PKD1L1: variants seen among roughly 807,000 people sequenced by gnomAD.
The protein encoded by PKD1L1 is polycystin 1 like 1, transient receptor potential channel interacting.
PKD1L1 carries 236 observed loss-of-function variants against 323.4 expected under a neutral mutation model. The ratio of observed to expected loss-of-function variants is 0.73; its 90% CI spans 0.66 to 0.81. PKD1L1 has a LOEUF of 0.81. PKD1L1 is among the 40% of genes least tolerant of loss of function. The probability of loss-of-function intolerance (pLI) is 0.00; values close to 1 mark genes in which losing one functional copy is unlikely to be tolerated. For missense variants in PKD1L1, 3,320 were observed against 3,508.0 expected, an observed-to-expected ratio of 0.95 and a Z score of 1.35; for synonymous variants, 1,344 against 1,335.0, an observed-to-expected ratio of 1.01 and a Z score of -0.15.
At chr7:47,884,570 G>C (rs1285288760) in intron 19 of PKD1L1, 28 bp downstream of exon 19, 4 of 1,605,044 alleles carry the variant, frequency 2.5e-6, no homozygotes, top group African/African-American at 2.7e-5. Context: ...TGAGTGGAGA[G>C]AGGCAGCAGG....
At chr7:47,852,043 T>C (rs1360483472) in intron 31 of PKD1L1, among the ~76,000 whole-genome samples, 1 of 152,216 alleles carries the variant, frequency 6.6e-6, no homozygotes. Flanking sequence ...CTTATGATAA[T>C]GTACTGAGTT....
intron 26 of PKD1L1, among the ~76,000 whole-genome samples, chr7:47,861,166 G>T (rs1398524451): frequency 6.6e-6 from 1 of 152,206 alleles, no homozygotes; most frequent in Admixed American, 6.5e-5. Context: ...GTTGTATTCA[G>T]CTTCTGGGAT....
intron 56 of PKD1L1, among the ~76,000 whole-genome samples, chr7:47,784,189 G>A (rs1786757240): frequency 6.6e-6 from 1 of 152,212 alleles, no homozygotes; most frequent in Non-Finnish European, 1.5e-5. Flanking sequence ...GGAAGACTTA[G>A]TATAATCCAT....
chr7:47,958,811 G>A, the PKD1L1 span, among the ~76,000 whole-genome samples: 3 of 147,110 alleles, frequency 2.0e-5, no homozygotes, highest in Admixed American at 6.7e-5. Flanking sequence ...CTCTCCCCAC[G>A]GTCTCCCTCT....
chr7:47,960,388 A>AAAAAAC, the PKD1L1 span, among the ~76,000 whole-genome samples: 197 of 132,358 alleles, frequency 1.5e-3, 2 homozygotes, highest in African/African-American at 4.9e-3. Context: ...AAAAAAAAAA[A>AAAAAAC]AAAAAACTGT....
chr7:47,782,006 C>T (rs532881236), intron 56 of PKD1L1, among the ~76,000 whole-genome samples: 78 of 152,226 alleles, frequency 5.1e-4, no homozygotes, highest in African/African-American at 1.7e-3. Flanking sequence ...ATCTCTATTC[C>T]TGGGATCTAT....
intron 56 of PKD1L1, among the ~76,000 whole-genome samples, chr7:47,778,144 G>A (rs1786611378): frequency 6.6e-6 from 1 of 152,194 alleles, no homozygotes; most frequent in South Asian, 2.1e-4. Flanking sequence ...ATCACAAGGA[G>A]CCAACCAGCA....
Position 47,943,479 on chromosome 7 carries a change from C to A in PKD1L1, c.77G>T (p.Gly26Val). ...CLQAACCLSF[G>V]GELSVSTDKS... ...GTCAGTGCTCACAGACAGCTCACCACCAAAGGAAAGGCAGCAGGCAGCCTG... is the reference window on the plus strand; with the variant it reads ...GTCAGTGCTCACAGACAGCTCACCAACAAAGGAAAGGCAGCAGGCAGCCTG... The change falls in exon 2 of 57, where the codon GGT becomes GTT. Residue 26 changes from glycine (G) to valine (V), a missense_variant. Coordinates refer to ENST00000289672, the MANE Select transcript of PKD1L1 (RefSeq NM_138295.5). 2 of 1,613,136 alleles carry A rather than the reference C, an allele frequency of 1.2e-6. No individual in the cohort carries two copies. The highest frequency in any genetic ancestry group is 1.1e-5 in the South Asian group (1 of 91,072).
At chr7:47,876,697 G>C (rs76488518) in intron 22 of PKD1L1, among the ~76,000 whole-genome samples, 1,938 of 152,270 alleles carry the variant, frequency 0.013, 37 homozygotes, top group African/African-American at 0.043. Context: ...TCAGTGTCCT[G>C]GCTGAGAGGA....
At position 47,834,356 on chromosome 7, in the gene PKD1L1, C is replaced by T. The variant is rs73331750; in HGVS notation, c.6157G>A (p.Ala2053Thr). 4,561 of 1,613,740 alleles carry T rather than the reference C, an allele frequency of 2.8e-3. 124 individuals are homozygous for T. In the African/African-American group the frequency reaches 0.053, roughly 19 times the overall value. ...GPNSWGRIPD[A>T]QEPRKQPASA... Reference sequence around the variant, plus strand: ...TGATTTACCTTGCGTGGCTCCTGTGCGTCTGGTATCCTTCCCCAGGAATTA... The same window carrying T: ...TGATTTACCTTGCGTGGCTCCTGTGTGTCTGGTATCCTTCCCCAGGAATTA... Residue 2053 changes from alanine (A) to threonine (T), a missense_variant, in exon 40 of 57, where the codon GCA becomes ACA. Transcript: ENST00000289672.
At chr7:47,881,236 G>A (rs990155509) in intron 20 of PKD1L1, among the ~76,000 whole-genome samples, 1 of 152,122 alleles carries the variant, frequency 6.6e-6, no homozygotes, top group Non-Finnish European at 1.5e-5. Flanking sequence ...TGACCGTGGT[G>A]ACTGGATTAC....
intron 6 of PKD1L1, among the ~76,000 whole-genome samples, chr7:47,930,559 TG>T (rs1787748316): frequency 6.6e-6 from 1 of 150,410 alleles, no homozygotes; most frequent in East Asian, 2.0e-4. Flanking sequence ...GGCTCATGCC[TG>T]AATCCCAGCA....
chr7:47,827,335 G>A lies in PKD1L1; in HGVS notation c.6854+15C>T, dbSNP rs773511752. 114 of 1,593,690 alleles carry A rather than the reference G, an allele frequency of 7.2e-5. 2 individuals carry two copies. The South Asian group carries it at 1.2e-3, about 17-fold the overall frequency. ...TGGAGTGGAGCAAGCCCTCCCGACA[G>A]AAGCCGCCACCCACCTCAGGGCAGC... On this transcript the variant is annotated intron_variant, in intron 45 of 56. Coordinates refer to ENST00000289672, the MANE Select transcript of PKD1L1 (RefSeq NM_138295.5).
At chr7:47,920,528 T>C (rs530268644) in intron 7 of PKD1L1, among the ~76,000 whole-genome samples, 5 of 152,190 alleles carry the variant, frequency 3.3e-5, no homozygotes, top group Admixed American at 3.3e-4. Flanking sequence ...CTTCACAGAA[T>C]TAGAAAAAAC....
intron 54 of PKD1L1, among the ~76,000 whole-genome samples, chr7:47,796,860 T>C (rs1473088933): frequency 1.5e-5 from 2 of 133,008 alleles, no homozygotes; most frequent in South Asian, 4.6e-4. Context: ...ATTAGCTGGG[T>C]GTGGTGGTGG....
intron 56 of PKD1L1, among the ~76,000 whole-genome samples, chr7:47,792,188 T>C (rs1446263437): frequency 1.3e-5 from 2 of 152,212 alleles, no homozygotes; most frequent in Non-Finnish European, 2.9e-5. Flanking sequence ...AGATACACTG[T>C]CTAACTTGGA....
At chr7:47,842,397 C>T (rs1403522750) in intron 34 of PKD1L1, among the ~76,000 whole-genome samples, 3 of 152,124 alleles carry the variant, frequency 2.0e-5, no homozygotes, top group South Asian at 2.1e-4. Flanking sequence ...GAAATGGAAG[C>T]GTGAGTTCCA....
At chr7:47,822,471 T>C (rs1009478995) in intron 45 of PKD1L1, among the ~76,000 whole-genome samples, 3 of 151,712 alleles carry the variant, frequency 2.0e-5, no homozygotes, top group Non-Finnish European at 4.4e-5. Flanking sequence ...GGCAGACACC[T>C]GTAATCCCAG....
At chr7:47,848,114 T>C (rs546146618) in intron 31 of PKD1L1, among the ~76,000 whole-genome samples, 1 of 152,234 alleles carries the variant, frequency 6.6e-6, no homozygotes, top group East Asian at 1.9e-4. Flanking sequence ...GGCAAAGACG[T>C]GGGAAAACAG....
Sources: allele counts gnomAD v4.1 joint callset (sites outside exome capture counted in the v4.1 genomes callset), GRCh38; gene constraint gnomAD v4.1.1; transcripts MANE v1.5; gene names NCBI Gene and HGNC (gene_info 2026-07-23, HGNC 2026-07-21).